Variants in PLCL2 observed in about 807,000 individuals in gnomAD.
PLCL2 encodes phospholipase C like 2, also known as inactive phospholipase C-like protein 2.
PLCL2 carries 4 observed loss-of-function variants against 79.6 expected under a neutral mutation model. That is an observed-to-expected ratio of 0.05 (90% CI 0.02 to 0.11). The LOEUF (loss-of-function observed/expected upper bound fraction) is 0.11. PLCL2 is among the 10% of genes least tolerant of loss of function. The pLI, the probability that PLCL2 is intolerant of heterozygous loss-of-function variation, is 1.00. For synonymous variants in PLCL2, 484 were observed against 457.7 expected (o/e 1.06, Z -0.73); for missense variants, 895 against 1,291.0 (o/e 0.69, Z 4.70).
chr3:17,038,641 G>A (rs978630777), intron 3 of PLCL2, among the ~76,000 whole-genome samples: 1 of 151,996 alleles, frequency 6.6e-6, no homozygotes, highest in African/African-American at 2.4e-5. Flanking sequence ...GTAAAATAGA[G>A]CCAAGTAATT....
chr3:17,027,148 G>T (rs969076398), intron 3 of PLCL2, among the ~76,000 whole-genome samples: 3 of 152,082 alleles, frequency 2.0e-5, no homozygotes, highest in South Asian at 2.1e-4. Context: ...TTCCTAAAAA[G>T]TGCATGTCGC....
At chr3:16,969,433 G>A (rs147926062) in intron 1 of PLCL2, among the ~76,000 whole-genome samples, 27 of 152,094 alleles carry the variant, frequency 1.8e-4, no homozygotes, top group Non-Finnish European at 3.2e-4. Context: ...TCTTTGGTCT[G>A]TTCAGGGATT....
chr3:17,069,845 T>C (rs191658242), intron 5 of PLCL2, among the ~76,000 whole-genome samples: 1 of 152,354 alleles, frequency 6.6e-6, no homozygotes, highest in East Asian at 1.9e-4. Flanking sequence ...TGTACTTTTC[T>C]TATATACCTA....
chr3:16,995,370 T>C (rs1343240789), intron 1 of PLCL2, among the ~76,000 whole-genome samples: 1 of 152,220 alleles, frequency 6.6e-6, no homozygotes, highest in Non-Finnish European at 1.5e-5. Flanking sequence ...CAGATGATTA[T>C]CAGTTTTGTA....
intron 1 of PLCL2, among the ~76,000 whole-genome samples, chr3:16,960,423 AT>A (rs1448088399): frequency 6.6e-6 from 1 of 152,130 alleles, no homozygotes; most frequent in Non-Finnish European, 1.5e-5. Context: ...GGAAGCACTA[AT>A]CATCTAGCTG....
In PLCL2 at chr3:16,887,138, G is replaced by A. The variant is rs1362853550; in HGVS notation, c.327+1772G>A. On this transcript the variant is annotated intron_variant, in intron 1 of 5. Transcript: ENST00000615277. The surrounding 1 kb of genome is among the most constrained non-coding windows in gnomAD (Gnocchi z 4.1). ...AATAGATACCATTTCTTAATTGAAG[G>A]CTCTAGAAGCACATGGGGGAAATGA... Among the ~76,000 whole-genome samples the A allele has an allele frequency of 6.6e-6, 1 of 152,176 alleles. No individual in the cohort carries two copies. Among genetic ancestry groups the A allele is most frequent in the Non-Finnish European group, 1.5e-5 (1 of 68,024 alleles).
chr3:17,042,176 G>A (rs1416821019), intron 3 of PLCL2, among the ~76,000 whole-genome samples: 2 of 152,118 alleles, frequency 1.3e-5, no homozygotes, highest in Non-Finnish European at 2.9e-5. Context: ...TGATTTTAGA[G>A]CCAACAAGAT....
intron 3 of PLCL2, among the ~76,000 whole-genome samples, chr3:17,023,324 C>T (rs771900789): frequency 3.3e-5 from 5 of 152,176 alleles, no homozygotes; most frequent in Non-Finnish European, 4.4e-5. Context: ...CTGTGATCTA[C>T]GGGTTGTTTC....
chr3:17,087,473 A>G (rs1479021303), intron 5 of PLCL2, among the ~76,000 whole-genome samples: 1 of 152,260 alleles, frequency 6.6e-6, no homozygotes, highest in Non-Finnish European at 1.5e-5. Context: ...GGAGACAATA[A>G]AAAGATCAAT....
chr3:17,082,901 A>G (rs2065178701), intron 5 of PLCL2, among the ~76,000 whole-genome samples: 2 of 152,190 alleles, frequency 1.3e-5, no homozygotes. Flanking sequence ...CAAGAAAAAG[A>G]CAAAACTCAT....
intron 1 of PLCL2, among the ~76,000 whole-genome samples, chr3:16,908,528 T>C (rs928641763): frequency 2.0e-5 from 3 of 152,236 alleles, no homozygotes; most frequent in Non-Finnish European, 4.4e-5. Context: ...CATCCCTGGA[T>C]TAGCTGAGAG....
At chr3:16,983,091 A>T (rs1467395316) in intron 1 of PLCL2, among the ~76,000 whole-genome samples, 1 of 152,234 alleles carries the variant, frequency 6.6e-6, no homozygotes, top group African/African-American at 2.4e-5. Flanking sequence ...TTGAAGAAAA[A>T]ATCCCACTAG....
chr3:17,063,091 C>A (rs2064968037), intron 4 of PLCL2, among the ~76,000 whole-genome samples: 1 of 151,480 alleles, frequency 6.6e-6, no homozygotes, highest in African/African-American at 2.4e-5. Context: ...ATATGACCTT[C>A]TAAATATGCA....
chr3:17,048,458 CT>C (rs2064804739), intron 4 of PLCL2, among the ~76,000 whole-genome samples: 1 of 152,088 alleles, frequency 6.6e-6, no homozygotes, highest in Admixed American at 6.5e-5. Context: ...AGGTACTAGT[CT>C]ATTTTATCAT....
At chr3:17,066,924 T>C (rs1376808346) in intron 4 of PLCL2, among the ~76,000 whole-genome samples, 2 of 152,156 alleles carry the variant, frequency 1.3e-5, no homozygotes, top group African/African-American at 4.8e-5. Flanking sequence ...AGGATCAAGG[T>C]AGAGAAGACC....
chr3:16,998,576 GT>G (rs1473731807), intron 1 of PLCL2, among the ~76,000 whole-genome samples: 2 of 152,206 alleles, frequency 1.3e-5, no homozygotes, highest in Non-Finnish European at 2.9e-5. Flanking sequence ...AGGATCACTA[GT>G]GTAATTTATA....
intron 3 of PLCL2, among the ~76,000 whole-genome samples, chr3:17,038,934 C>T (rs1370376810): frequency 2.6e-5 from 4 of 152,160 alleles, no homozygotes; most frequent in Non-Finnish European, 4.4e-5. Context: ...TCATGACTTA[C>T]TAATTACAGT....
At chr3:17,004,409 C>T (rs186291334) in intron 1 of PLCL2, among the ~76,000 whole-genome samples, 9 of 152,228 alleles carry the variant, frequency 5.9e-5, no homozygotes, top group Middle Eastern at 6.8e-3. Context: ...AGAAGAGGAG[C>T]GCCCATGGAG....
At chr3:16,981,812 T>A (rs1273504606) in intron 1 of PLCL2, among the ~76,000 whole-genome samples, 4 of 152,230 alleles carry the variant, frequency 2.6e-5, no homozygotes, top group Non-Finnish European at 4.4e-5. Context: ...GTAAAAGATG[T>A]GTAACCCTGT....
Sources: allele counts gnomAD v4.1 joint callset (sites outside exome capture counted in the v4.1 genomes callset), GRCh38; gene constraint gnomAD v4.1.1; non-coding constraint Gnocchi (gnomAD v3.1); transcripts MANE v1.5; gene names NCBI Gene and HGNC (gene_info 2026-07-23, HGNC 2026-07-21).